The following HCN1 variants were observed in gnomAD, a reference collection of about 807,000 sequenced individuals.
HCN1 encodes hyperpolarization activated cyclic nucleotide gated potassium channel 1.
HCN1 carries 13 observed loss-of-function variants against 78.9 expected under a neutral mutation model. That is an observed-to-expected ratio of 0.16 (90% CI 0.11 to 0.26). The LOEUF (loss-of-function observed/expected upper bound fraction) is 0.26. HCN1 is among the 10% of genes least tolerant of loss of function. HCN1 has a pLI of 1.00. For missense variants in HCN1, 810 were observed against 1,154.3 expected, an observed-to-expected ratio of 0.70 and a Z score of 4.32; for synonymous variants, 552 against 455.5, an observed-to-expected ratio of 1.21 and a Z score of -2.70.
At chr5:45,521,357 AC>A (rs1742610478) in intron 2 of HCN1, among the ~76,000 whole-genome samples, 1 of 151,940 alleles carries the variant, frequency 6.6e-6, no homozygotes, top group East Asian at 1.9e-4. Flanking sequence ...ATAGATTTGA[AC>A]AACAGAAATT....
At chr5:45,668,999 ACTT>A (rs1746102162) in intron 1 of HCN1, among the ~76,000 whole-genome samples, 2 of 151,806 alleles carry the variant, frequency 1.3e-5, no homozygotes, top group African/African-American at 2.4e-5. Context: ...GAAGGGCTGA[ACTT>A]CTCATATTTA....
chr5:45,293,828 T>C (rs1422209212), intron 6 of HCN1, among the ~76,000 whole-genome samples: 2 of 151,956 alleles, frequency 1.3e-5, no homozygotes, highest in Non-Finnish European at 2.9e-5. Flanking sequence ...CTTGTGATTG[T>C]GTATTATTTG....
chr5:45,390,354 A>C (rs576861292), intron 4 of HCN1, among the ~76,000 whole-genome samples: 3 of 152,318 alleles, frequency 2.0e-5, no homozygotes, highest in Admixed American at 2.0e-4. Flanking sequence ...ATACAAATAC[A>C]GTAAGAATAC....
chr5:45,289,041 T>G (rs983955975), intron 6 of HCN1, among the ~76,000 whole-genome samples: 3 of 151,998 alleles, frequency 2.0e-5, no homozygotes, highest in Non-Finnish European at 4.4e-5. Context: ...AGATCAGTCC[T>G]TTACTCATAA....
chr5:45,293,930 A>C (rs551098245), intron 6 of HCN1, among the ~76,000 whole-genome samples: 2 of 152,004 alleles, frequency 1.3e-5, no homozygotes, highest in South Asian at 4.2e-4. Flanking sequence ...ATTTACCCTC[A>C]CCTAAGAGGA....
At chr5:45,428,208 A>T (rs1444842647) in intron 3 of HCN1, among the ~76,000 whole-genome samples, 1 of 152,076 alleles carries the variant, frequency 6.6e-6, no homozygotes, top group South Asian at 2.1e-4. Context: ...CTTTGAAAAA[A>T]ACAGAACTAC....
At chr5:45,352,492 T>C (rs886251193) in intron 5 of HCN1, among the ~76,000 whole-genome samples, 1 of 152,024 alleles carries the variant, frequency 6.6e-6, no homozygotes, top group African/African-American at 2.4e-5. Flanking sequence ...ACGTGCGCAT[T>C]GTGCACATGT....
At chr5:45,481,128 G>T (rs1741642152) in intron 2 of HCN1, among the ~76,000 whole-genome samples, 1 of 152,192 alleles carries the variant, frequency 6.6e-6, no homozygotes, top group Admixed American at 6.5e-5. Context: ...AAAAGGTGAA[G>T]AGAGATTCTG....
intron 3 of HCN1, among the ~76,000 whole-genome samples, chr5:45,423,225 T>C (rs1740263687): frequency 6.6e-6 from 1 of 152,182 alleles, no homozygotes; most frequent in South Asian, 2.1e-4. Flanking sequence ...TGTTACCTTC[T>C]AGCTTATTTT....
At chr5:45,651,693 A>C (rs1745678464) in intron 1 of HCN1, among the ~76,000 whole-genome samples, 1 of 151,910 alleles carries the variant, frequency 6.6e-6, no homozygotes. Flanking sequence ...AATCCTCTTA[A>C]TACTAAGATT....
chr5:45,470,052 A>G (rs1741359246), intron 2 of HCN1, among the ~76,000 whole-genome samples: 1 of 152,068 alleles, frequency 6.6e-6, no homozygotes, highest in Non-Finnish European at 1.5e-5. Context: ...CAGAAAGAAA[A>G]ACAGGCTTCT....
chr5:45,591,271 C>A (rs1312836804), intron 2 of HCN1, among the ~76,000 whole-genome samples: 5 of 152,124 alleles, frequency 3.3e-5, no homozygotes, highest in African/African-American at 1.2e-4. Flanking sequence ...GTTTTTAATT[C>A]TTTTGGGTAA....
chr5:45,613,079 G>A (rs1012252769), intron 2 of HCN1, among the ~76,000 whole-genome samples: 1 of 151,572 alleles, frequency 6.6e-6, no homozygotes, highest in African/African-American at 2.4e-5. Flanking sequence ...ATGTATACAT[G>A]TGCCATGCTG....
chr5:45,430,364 G>A (rs1022452758), intron 3 of HCN1, among the ~76,000 whole-genome samples: 1 of 151,394 alleles, frequency 6.6e-6, no homozygotes, highest in Non-Finnish European at 1.5e-5. Flanking sequence ...GGGGTTTGGT[G>A]TACAGATTAT....
intron 5 of HCN1, among the ~76,000 whole-genome samples, chr5:45,337,204 TAA>T (rs1746479412): frequency 1.3e-5 from 2 of 152,048 alleles, no homozygotes; most frequent in South Asian, 4.1e-4. Context: ...GGAGAACTTT[TAA>T]AAGTTTTTAA....
intron 2 of HCN1, among the ~76,000 whole-genome samples, chr5:45,633,834 CAG>C (rs1450618897): frequency 6.6e-6 from 1 of 151,858 alleles, no homozygotes; most frequent in African/African-American, 2.4e-5. Context: ...TAGTACTAAA[CAG>C]AGTTCTTCAA....
intron 1 of HCN1, among the ~76,000 whole-genome samples, chr5:45,672,926 A>G (rs981393787): frequency 6.6e-6 from 1 of 151,548 alleles, no homozygotes; most frequent in African/African-American, 2.4e-5. Context: ...CATCAGTTAT[A>G]AATAATGAAC....
chr5:45,344,009 G>C (rs992633037), intron 5 of HCN1, among the ~76,000 whole-genome samples: 2 of 152,036 alleles, frequency 1.3e-5, no homozygotes, highest in African/African-American at 4.8e-5. Context: ...AACTGAGACC[G>C]AGTAATTTAT....
intron 4 of HCN1, among the ~76,000 whole-genome samples, chr5:45,388,633 C>T (rs1160890323): frequency 6.6e-6 from 1 of 152,106 alleles, no homozygotes; most frequent in Non-Finnish European, 1.5e-5. Context: ...GACTATGAGG[C>T]ACACTAAAGT....
Sources: allele counts gnomAD v4.1 joint callset (sites outside exome capture counted in the v4.1 genomes callset), GRCh38; gene constraint gnomAD v4.1.1; transcripts MANE v1.5; gene names NCBI Gene and HGNC (gene_info 2026-07-23, HGNC 2026-07-21).